Variants in PCDHGB3 observed in about 807,000 individuals in gnomAD.
The protein encoded by PCDHGB3 is protocadherin gamma-B3.
A neutral mutation model predicts 59.2 loss-of-function variants in PCDHGB3; 40 were observed. The ratio of observed to expected loss-of-function variants is 0.68; its 90% CI spans 0.52 to 0.88. PCDHGB3 has a LOEUF of 0.88. Ranked by LOEUF, PCDHGB3 falls within the 40% of genes least tolerant of loss-of-function variation. The probability of loss-of-function intolerance (pLI) is 0.00; values close to 1 mark genes in which losing one functional copy is unlikely to be tolerated. For missense variants in PCDHGB3, 1,309 were observed against 1,187.9 expected (o/e 1.10, Z -1.50); for synonymous variants, 581 against 503.6 (o/e 1.15, Z -2.06).
At chr5:141,409,936 A>G in intron 1 of PCDHGB3, 2 of 1,613,064 alleles carry the variant, frequency 1.2e-6, no homozygotes, top group Non-Finnish European at 1.7e-6. Context: ...TCGATATGGT[A>G]CCTCGCTCTG....
intron 1 of PCDHGB3, chr5:141,412,884 G>A: frequency 3.2e-6 from 1 of 311,540 alleles, no homozygotes. Flanking sequence ...TAATCCAACA[G>A]AATAGTTTAC....
chr5:141,421,187 A>G (rs745843422), intron 1 of PCDHGB3: 5 of 1,473,698 alleles, frequency 3.4e-6, no homozygotes, highest in Non-Finnish European at 4.5e-6. Context: ...TTCACAACCA[A>G]CCAGCTCGAG....
In PCDHGB3 at chr5:141,372,187, C is replaced by T. The variant is rs368451043; in HGVS notation, c.1793C>T (p.Ser598Leu). Reference protein sequence around the residue: ...VTKVVAVDADSGYNAWLSYHI... With the variant: ...VTKVVAVDADLGYNAWLSYHI... ...AAGGTGGTGGCGGTGGACGCAGACT[C>T]GGGATACAACGCCTGGCTGTCCTAC... The change falls in exon 1 of 4, where the codon TCG becomes TTG. Residue 598 changes from serine (S) to leucine (L), a missense_variant. Ser to Leu is a moderately radical substitution (Grantham distance 145). Coordinates refer to ENST00000576222, the MANE Select transcript of PCDHGB3 (RefSeq NM_018924.5). 5 of 1,613,508 alleles carry T rather than the reference C, an allele frequency of 3.1e-6. No homozygotes were observed. The highest frequency in any genetic ancestry group is 4.2e-6 in the Non-Finnish European group (5 of 1,179,930).
chr5:141,426,307 A>G (rs958090236), intron 1 of PCDHGB3: 2 of 172,782 alleles, frequency 1.2e-5, no homozygotes, highest in African/African-American at 4.7e-5. Context: ...GGTGAAGCAG[A>G]GAAGCAGGAC....
intron 1 of PCDHGB3, among the ~76,000 whole-genome samples, chr5:141,467,055 C>CTTTTTTTTTTTTTTTTTTT (rs1193465269): frequency 7.4e-6 from 1 of 134,498 alleles, no homozygotes; most frequent in Non-Finnish European, 1.6e-5. Context: ...TCAATGTTTT[C>CTTTTTTTTTTTTTTTTTTT]TTTTTTTTTT....
chr5:141,486,148 G>A lies in PCDHGB3; in HGVS notation c.2416-8659G>A. On this transcript the variant is annotated intron_variant, in intron 1 of 3. Coordinates refer to ENST00000576222, the MANE Select transcript of PCDHGB3 (RefSeq NM_018924.5). This position sits in a 1 kb window ranked among gnomAD's most constrained non-coding sequence, Gnocchi z 5.0. ...AATTTGATGTGCGGGCTCGCGATGG[G>A]GGTTCTCCAGCCATGGAGCAACATT... 2 of 1,614,164 alleles carry A rather than the reference G, an allele frequency of 1.2e-6. No homozygotes were observed. The highest frequency in any genetic ancestry group is 1.7e-6 in the Non-Finnish European group (2 of 1,180,026).
In PCDHGB3 at chr5:141,432,012, A is replaced by G. The variant is rs756906117; in HGVS notation, c.2415+59203A>G. ...TTGGATAGGGAACAGGTTCCTAGCT[A>G]CAACATCACAGTGACCGCCACTGAC... On this transcript the variant is annotated intron_variant, in intron 1 of 3. Transcript: ENST00000576222. The surrounding 1 kb of genome is among the most constrained non-coding windows in gnomAD (Gnocchi z 6.0). The G allele has an allele frequency of 1.1e-5, 18 of 1,614,056 alleles. No homozygotes were observed. The highest frequency in any genetic ancestry group is 1.3e-5 in the Non-Finnish European group (15 of 1,180,008).
chr5:141,461,124 A>G (rs992107268), intron 1 of PCDHGB3, among the ~76,000 whole-genome samples: 1 of 151,978 alleles, frequency 6.6e-6, no homozygotes, highest in Admixed American at 6.6e-5. Context: ...TTTTTCATAT[A>G]ATTACTTATT....
chr5:141,400,361 C>G (rs776965891), intron 1 of PCDHGB3: 3 of 1,613,952 alleles, frequency 1.9e-6, no homozygotes, highest in Non-Finnish European at 2.5e-6. Flanking sequence ...GGGACTTTGC[C>G]TTATTCCTAC....
intron 2 of PCDHGB3, among the ~76,000 whole-genome samples, chr5:141,500,184 T>TTTTTTTTATTTATTTA (rs1554186429): frequency 7.4e-6 from 1 of 135,886 alleles, no homozygotes; most frequent in African/African-American, 2.7e-5. Flanking sequence ...TCATTTTTAT[T>TTTTTTTTATTTATTTA]TTTATTTATT....
At chr5:141,465,978 C>T (rs568961720) in intron 1 of PCDHGB3, among the ~76,000 whole-genome samples, 7 of 151,998 alleles carry the variant, frequency 4.6e-5, no homozygotes, top group South Asian at 2.1e-4. Context: ...AAAAATTAGC[C>T]GGGCATGGTG....
chr5:141,487,109 G>A lies in PCDHGB3; in HGVS notation c.2416-7698G>A. 2 of 1,614,122 alleles carry A rather than the reference G, an allele frequency of 1.2e-6. No homozygotes were observed. Among genetic ancestry groups the A allele is most frequent in the Non-Finnish European group, 1.7e-6 (2 of 1,180,004 alleles). ...CCTCCCACCACAGAAGCTGGTCATTGTGGTAAAGGATAGTGGTAGTCCACC... is the reference window on the plus strand; with the variant it reads ...CCTCCCACCACAGAAGCTGGTCATTATGGTAAAGGATAGTGGTAGTCCACC... On this transcript the variant is annotated intron_variant, in intron 1 of 3. Transcript: ENST00000576222. This position sits in a 1 kb window ranked among gnomAD's most constrained non-coding sequence, Gnocchi z 5.0.
intron 1 of PCDHGB3, chr5:141,388,897 A>G (rs768114504): frequency 6.2e-7 from 1 of 1,613,994 alleles, no homozygotes; most frequent in Non-Finnish European, 8.5e-7. Context: ...GTCATAGATG[A>G]AAATGACAAC....
chr5:141,389,276 G>T (rs375882135), intron 1 of PCDHGB3: 4 of 1,613,858 alleles, frequency 2.5e-6, no homozygotes, highest in South Asian at 2.2e-5. Flanking sequence ...AGAACAACCC[G>T]CCTGGAGCCT....
chr5:141,383,445 G>T (rs1779137475), intron 1 of PCDHGB3: 1 of 1,613,958 alleles, frequency 6.2e-7, no homozygotes, highest in East Asian at 2.2e-5. Flanking sequence ...CCCTGGCTGT[G>T]CAAAGTGGAG....
intron 1 of PCDHGB3, chr5:141,409,321 T>G (rs899218484): frequency 1.9e-6 from 3 of 1,613,996 alleles, no homozygotes; most frequent in Admixed American, 1.7e-5. Context: ...AAACACGGGA[T>G]CTGGATTTCG....
chr5:141,408,061 G>C, intron 1 of PCDHGB3: 1 of 1,332,898 alleles, frequency 7.5e-7, no homozygotes, highest in Non-Finnish European at 1.0e-6. Flanking sequence ...CCTCCCGGCT[G>C]CGCAGACCTT....
At chr5:141,381,078 T>C (rs1776973656) in intron 1 of PCDHGB3, among the ~76,000 whole-genome samples, 1 of 152,250 alleles carries the variant, frequency 6.6e-6, no homozygotes, top group African/African-American at 2.4e-5. Flanking sequence ...ATGGATTATT[T>C]TGATAGATCA....
intron 1 of PCDHGB3, chr5:141,417,977 G>A (rs752463782): frequency 6.2e-7 from 1 of 1,613,872 alleles, no homozygotes; most frequent in Admixed American, 1.7e-5. Flanking sequence ...GATTCCGGAG[G>A]AGCTGGCCAA....
Sources: allele counts gnomAD v4.1 joint callset (sites outside exome capture counted in the v4.1 genomes callset), GRCh38; gene constraint gnomAD v4.1.1; non-coding constraint Gnocchi (gnomAD v3.1); transcripts MANE v1.5; gene names NCBI Gene and HGNC (gene_info 2026-07-23, HGNC 2026-07-21).